CLEC16A: variants seen among roughly 807,000 people sequenced by gnomAD.
CLEC16A encodes C-type lectin domain containing 16A, also known as protein CLEC16A.
In CLEC16A, 51 loss-of-function variants were observed where a neutral mutation model predicts 109.5. That is an observed-to-expected ratio of 0.47 (90% CI 0.37 to 0.59). CLEC16A has a LOEUF of 0.59. CLEC16A is among the 20% of genes least tolerant of loss of function. The pLI is 0.00. For missense variants in CLEC16A, 1,339 were observed against 1,394.0 expected (o/e 0.96, Z 0.63); for synonymous variants, 673 against 564.2 (o/e 1.19, Z -2.73).
intron 13 of CLEC16A, 108 bp from the exon 14 acceptor site, chr16:11,039,646 G>A (rs1265117327): frequency 9.8e-6 from 12 of 1,219,790 alleles, no homozygotes; most frequent in South Asian, 1.7e-5. Context: ...TCACCAAGAG[G>A]GAACATATGT....
chr16:10,980,117 T>G (rs183533346), intron 9 of CLEC16A, among the ~76,000 whole-genome samples: 1 of 152,336 alleles, frequency 6.6e-6, no homozygotes, highest in East Asian at 1.9e-4. Context: ...GCACAGGTAT[T>G]TATTTGCTTT....
At chr16:11,160,555 A>T (rs1287372848) in intron 22 of CLEC16A, among the ~76,000 whole-genome samples, 1 of 152,156 alleles carries the variant, frequency 6.6e-6, no homozygotes, top group East Asian at 1.9e-4. Context: ...GATTCCACCC[A>T]GCAGGTACAG....
chr16:10,962,242 C>T (rs1301395260), intron 2 of CLEC16A, among the ~76,000 whole-genome samples: 1 of 152,152 alleles, frequency 6.6e-6, no homozygotes, highest in Non-Finnish European at 1.5e-5. Flanking sequence ...AGCCACTGTG[C>T]CCAGATCTAA....
intron 19 of CLEC16A, chr16:11,070,455 T>C (rs35126143): frequency 0.093 from 14,111 of 151,958 alleles, 654 homozygotes; most frequent in East Asian, 0.12. Context: ...ATTCCTCTTA[T>C]CTTGGCCTCC....
intron 10 of CLEC16A, among the ~76,000 whole-genome samples, chr16:10,987,932 G>T (rs2043771949): frequency 6.6e-6 from 1 of 152,188 alleles, no homozygotes; most frequent in African/African-American, 2.4e-5. Context: ...AGAAGCAGAG[G>T]GGAGATCACA....
At chr16:10,947,526 G>A (rs1366049818) in intron 1 of CLEC16A, among the ~76,000 whole-genome samples, 1 of 152,210 alleles carries the variant, frequency 6.6e-6, no homozygotes, top group Non-Finnish European at 1.5e-5. Flanking sequence ...CAGCAGGGGC[G>A]GGAGGCGGAG....
rs1236735678 is a variant in CLEC16A at position 11,137,496 on chromosome 16, C to T, written c.2641+11350C>T. On this transcript the variant is annotated intron_variant, in intron 22 of 23. Coordinates refer to ENST00000409790, the MANE Select transcript of CLEC16A (RefSeq NM_015226.3). The stretch of plus-strand genomic sequence containing the variant: ...GCCAGCTGGGCGTGGTGGCTCACAC[C>T]TTTAATCCCAGCACTTTGGGAGGCC... 1.3e-5 allele frequency among the ~76,000 whole-genome samples: 2 copies of T among 149,312 alleles called. 1 individual carries two copies. Among genetic ancestry groups the T allele is most frequent in the Non-Finnish European group, 3.0e-5 (2 of 67,570 alleles).
At chr16:10,990,057 C>T (rs1413647556) in intron 10 of CLEC16A, among the ~76,000 whole-genome samples, 1 of 152,166 alleles carries the variant, frequency 6.6e-6, no homozygotes, top group East Asian at 1.9e-4. Flanking sequence ...CATTCTTCTT[C>T]CTGAAAATGC....
chr16:11,060,972 C>T lies in CLEC16A; in HGVS notation c.2066C>T (p.Pro689Leu), dbSNP rs781571686. 9 of 1,612,266 alleles carry T rather than the reference C, an allele frequency of 5.6e-6. No homozygotes were observed. The highest frequency in any genetic ancestry group is 1.3e-5 in the African/African-American group (1 of 74,826). The change falls in exon 19 of 24, where the codon CCG (proline) becomes CTG (leucine). Residue 689 changes from proline (P) to leucine (L), a missense_variant. Pro to Leu is a moderately conservative substitution (Grantham distance 98, BLOSUM62 -3). This residue lies in a region of CLEC16A where 1,061 missense variants were observed against 1,006.8 expected (regional missense o/e 1.05). Coordinates refer to ENST00000409790, the MANE Select transcript of CLEC16A (RefSeq NM_015226.3). ...QLRGEPETQL[P>L]LTREEDLIKT... ...CGAGGGGAGCCTGAGACACAGTTGC[C>T]GCTGACTCGGGAGGAGGACCTGATC...
chr16:11,034,234 A>C (rs951253946), intron 13 of CLEC16A, among the ~76,000 whole-genome samples: 1 of 152,226 alleles, frequency 6.6e-6, no homozygotes, highest in Non-Finnish European at 1.5e-5. Flanking sequence ...TCGGCCCAAC[A>C]TCTGGTTAGC....
chr16:10,947,663 G>C (rs2041463060), intron 1 of CLEC16A, among the ~76,000 whole-genome samples: 1 of 152,122 alleles, frequency 6.6e-6, no homozygotes, highest in South Asian at 2.1e-4. Context: ...AACCGTCCTG[G>C]TTTGCCTGGG....
At chr16:11,076,871 T>G (rs1003338529) in intron 19 of CLEC16A, among the ~76,000 whole-genome samples, 2 of 152,060 alleles carry the variant, frequency 1.3e-5, no homozygotes, top group Non-Finnish European at 2.9e-5. Flanking sequence ...GCTGGGGAGA[T>G]CAGGAATCGA....
Position 11,118,837 on chromosome 16 carries a change from T to C in CLEC16A, c.2117-1778T>C, listed in dbSNP as rs188557060. Reference sequence around the variant, plus strand: ...TATACAGTGAGAAAGAGGGGTCCAGTTTCATTCTTCTGCGTATGGCTGTCC... The same window carrying C: ...TATACAGTGAGAAAGAGGGGTCCAGCTTCATTCTTCTGCGTATGGCTGTCC... On this transcript the variant is annotated intron_variant, in intron 19 of 23. Coordinates refer to ENST00000409790, the MANE Select transcript of CLEC16A (RefSeq NM_015226.3). 8.5e-5 allele frequency among the ~76,000 whole-genome samples: 13 copies of C among 152,310 alleles called. No homozygotes were observed. The East Asian group carries it at 2.5e-3, about 29-fold the overall frequency.
chr16:11,167,629 A>G (rs572100612), intron 23 of CLEC16A, among the ~76,000 whole-genome samples: 16 of 152,004 alleles, frequency 1.1e-4, no homozygotes, highest in African/African-American at 3.6e-4. Flanking sequence ...GAGCACCCCA[A>G]CCCACCTGTG....
At chr16:11,095,066 T>C (rs1225963737) in intron 19 of CLEC16A, among the ~76,000 whole-genome samples, 2 of 150,922 alleles carry the variant, frequency 1.3e-5, no homozygotes, top group Non-Finnish European at 2.9e-5. Flanking sequence ...TTGTTTCTTA[T>C]TTGAACAGTT....
chr16:11,117,230 G>GAA (rs55931734), intron 19 of CLEC16A, among the ~76,000 whole-genome samples: 1 of 152,004 alleles, frequency 6.6e-6, no homozygotes, highest in Non-Finnish European at 1.5e-5. Flanking sequence ...CTCAAAAAAA[G>GAA]AAAAAAATTA....
chr16:11,178,736 G>A lies in CLEC16A; in HGVS notation c.*46G>A, dbSNP rs1056574768. 4.3e-6 allele frequency: 6 copies of A among 1,385,276 alleles called. No individual in the cohort carries two copies. The highest frequency in any genetic ancestry group is 2.7e-5 in the Admixed American group (1 of 36,544). The allele number at this position is 1,385,276 out of a possible 1,614,324, so 85.8% of individuals were successfully genotyped here. A position where few individuals can be genotyped will look rare whatever the true frequency, so the allele number is the denominator to read the frequency against. On this transcript the variant is annotated 3_prime_UTR_variant, in exon 24 of 24. Coordinates refer to ENST00000409790, the MANE Select transcript of CLEC16A (RefSeq NM_015226.3). This position sits in a 1 kb window ranked among gnomAD's most constrained non-coding sequence, Gnocchi z 6.5. ...TTGTGTGTGTGGCCCCGCTGGTAGG[G>A]ACCCCAGTGCCGCTGACTGGCAAGA...
intron 18 of CLEC16A, among the ~76,000 whole-genome samples, chr16:11,055,603 T>TTTTTTTTTTTG (rs1248045027): frequency 7.1e-6 from 1 of 140,002 alleles, no homozygotes; most frequent in African/African-American, 2.8e-5. Flanking sequence ...TTTTTTTTTT[T>TTTTTTTTTTTG]TTTGAGACGA....
At chr16:11,155,418 C>T (rs1168899267) in intron 22 of CLEC16A, among the ~76,000 whole-genome samples, 1 of 152,188 alleles carries the variant, frequency 6.6e-6, no homozygotes, top group Non-Finnish European at 1.5e-5. Context: ...AGTGACAAGC[C>T]TAAAGCCAAG....
Sources: gnomAD v4.1 joint callset for allele counts (sites outside exome capture counted in the v4.1 genomes callset) on GRCh38, gnomAD v4.1.1 for gene constraint, gnomAD v4.1.1 regional missense constraint, Gnocchi (gnomAD v3.1) non-coding constraint, MANE v1.5 for transcripts, NCBI Gene and HGNC (gene_info 2026-07-23, HGNC 2026-07-21) for gene names.